Variants in PPARG observed in about 807,000 individuals in gnomAD.
PPARG encodes the protein peroxisome proliferator activated receptor gamma.
In PPARG, 17 loss-of-function variants were observed where a neutral mutation model predicts 39.2. The ratio of observed to expected loss-of-function variants is 0.43; its 90% CI spans 0.30 to 0.65. The LOEUF is 0.65. PPARG is among the 30% of genes least tolerant of loss of function. The probability of loss-of-function intolerance (pLI) is 0.13; values close to 1 mark genes in which losing one functional copy is unlikely to be tolerated. For missense variants in PPARG, 406 were observed against 585.9 expected (o/e 0.69, Z 3.17); for synonymous variants, 223 against 215.7 (o/e 1.03, Z -0.30).
At chr3:12,391,936 G>C (rs1279827398) in intron 4 of PPARG, among the ~76,000 whole-genome samples, 1 of 152,100 alleles carries the variant, frequency 6.6e-6, no homozygotes, top group African/African-American at 2.4e-5. Context: ...TGTAAATATA[G>C]CAGAATATTC....
At chr3:12,379,374 A>G (rs2049537659) in intron 2 of PPARG, among the ~76,000 whole-genome samples, 1 of 152,214 alleles carries the variant, frequency 6.6e-6, no homozygotes, top group East Asian at 1.9e-4. Flanking sequence ...TAAATAAATA[A>G]CAGCAGTCAT....
At chr3:12,385,699 G>A (rs979766512) in intron 4 of PPARG, among the ~76,000 whole-genome samples, 5 of 152,072 alleles carry the variant, frequency 3.3e-5, no homozygotes, top group African/African-American at 1.2e-4. Flanking sequence ...AAAGAATGCC[G>A]TATGCTTGTT....
chr3:12,314,485 C>G (rs934792077), intron 2 of PPARG, among the ~76,000 whole-genome samples: 16 of 152,212 alleles, frequency 1.1e-4, no homozygotes, highest in African/African-American at 3.4e-4. Flanking sequence ...AGCTCATATG[C>G]CCCTGATAGA....
intron 2 of PPARG, among the ~76,000 whole-genome samples, chr3:12,343,385 A>C (rs1316862660): frequency 6.6e-6 from 1 of 152,188 alleles, no homozygotes; most frequent in Non-Finnish European, 1.5e-5. Flanking sequence ...CACAGTCAGA[A>C]GGGCTCTGTT....
In PPARG at chr3:12,379,865, C is replaced by G; in HGVS notation, c.154C>G (p.Pro52Ala). The change falls in exon 3 of 8, where the codon CCA (proline) becomes GCA (alanine). Residue 52 changes from proline to alanine, a missense_variant. By Grantham distance (27) the Pro-to-Ala change is conservative. Transcript: ENST00000651735. ...SISTPHYEDI[P>A]FTRTDPVVAD... ...TTCTACTCCACATTACGAAGACATTCCATTCACAAGAACAGATCCAGTGGT... is the reference window on the plus strand; with the variant it reads ...TTCTACTCCACATTACGAAGACATTGCATTCACAAGAACAGATCCAGTGGT... 1 of 1,613,874 alleles carries G rather than the reference C, an allele frequency of 6.2e-7. No individual in the cohort carries two copies.
chr3:12,416,637 C>A, intron 6 of PPARG, 67 bp from the exon 7 acceptor site: 1 of 1,467,978 alleles, frequency 6.8e-7, no homozygotes, highest in Non-Finnish European at 9.4e-7. Flanking sequence ...TTTTCTGAAC[C>A]TGGGATGGCA....
At chr3:12,313,038 A>G (rs1423454814) in intron 2 of PPARG, among the ~76,000 whole-genome samples, 1 of 152,192 alleles carries the variant, frequency 6.6e-6, no homozygotes, top group African/African-American at 2.4e-5. Flanking sequence ...TATCCTTCCG[A>G]GGCCTAACTA....
chr3:12,406,265 A>G (rs1196272924), intron 6 of PPARG, 184 bp downstream of exon 6: 4 of 669,848 alleles, frequency 6.0e-6, no homozygotes, highest in South Asian at 3.7e-5. Flanking sequence ...ACAAGTCAAC[A>G]TTATTTTGAA....
chr3:12,406,220 C>A, intron 6 of PPARG, 139 bp downstream of exon 6: 2 of 890,600 alleles, frequency 2.2e-6, no homozygotes, highest in Non-Finnish European at 3.7e-6. Context: ...ATATTGCAGG[C>A]TGAGTCTGAA....
At position 12,336,904 on chromosome 3, in the gene PPARG, C is replaced by G. The variant is rs113772222; in HGVS notation, c.-9+24451C>G. On this transcript the variant is annotated intron_variant, in intron 2 of 7. Transcript: ENST00000651735. ...TGGACATTTAAGTTTGAATAGGGTA[C>G]TCTCCTGAAGGCCTTTAAAAATACA... Among the ~76,000 whole-genome samples, 6 of 152,312 alleles carry G rather than the reference C, an allele frequency of 3.9e-5. 1 individual carries two copies. The highest frequency in any genetic ancestry group is 1.2e-4 in the African/African-American group (5 of 41,568).
chr3:12,379,821 C>G lies in PPARG; in HGVS notation c.110C>G (p.Thr37Ser), dbSNP rs2049569356. The change falls in exon 3 of 8, where the codon ACT (threonine) becomes AGT (serine). Residue 37 changes from threonine (T) to serine (S), a missense_variant. Coordinates refer to ENST00000651735, the MANE Select transcript of PPARG (RefSeq NM_138711.6). Reference protein sequence around the residue: ...SHSFDIKPFTTVDFSSISTPH... With the variant: ...SHSFDIKPFTSVDFSSISTPH... ...TCCTTTGATATCAAGCCCTTCACTA[C>G]TGTTGACTTCTCCAGCATTTCTACT... The G allele has an allele frequency of 6.2e-7, 1 of 1,613,922 alleles. No homozygotes were observed. The highest frequency in any genetic ancestry group is 8.5e-7 in the Non-Finnish European group (1 of 1,179,828).
chr3:12,395,517 C>A (rs939883676), intron 5 of PPARG, among the ~76,000 whole-genome samples: 1 of 152,180 alleles, frequency 6.6e-6, no homozygotes, highest in African/African-American at 2.4e-5. Flanking sequence ...TCAGAAGGAA[C>A]TTTCATTTTC....
intron 2 of PPARG, among the ~76,000 whole-genome samples, chr3:12,332,915 TCCCAG>T (rs2047902580): frequency 6.6e-6 from 1 of 152,124 alleles, no homozygotes; most frequent in African/African-American, 2.4e-5. Flanking sequence ...ATACTTGTAG[TCCCAG>T]CTACTTGGGA....
At chr3:12,433,868 C>T (rs1391367204) in intron 7 of PPARG, 30 bp from the exon 8 acceptor site, 1 of 1,613,296 alleles carries the variant, frequency 6.2e-7, no homozygotes, top group Non-Finnish European at 8.5e-7. Context: ...ACTGAACCCC[C>T]TGTTGTGTTT....
chr3:12,399,432 G>C (rs1278851314), intron 5 of PPARG: 2 of 455,874 alleles, frequency 4.4e-6, no homozygotes, highest in Non-Finnish European at 8.8e-6. Context: ...CCTCAAGAAA[G>C]AGAAGTGAGC....
At chr3:12,341,526 G>C (rs1048166015) in intron 2 of PPARG, among the ~76,000 whole-genome samples, 1 of 152,192 alleles carries the variant, frequency 6.6e-6, no homozygotes, top group Non-Finnish European at 1.5e-5. Flanking sequence ...AATGCCTGCT[G>C]TCTGGGTACA....
chr3:12,288,610 C>G (rs2046570017), upstream of PPARG, among the ~76,000 whole-genome samples: 1 of 151,854 alleles, frequency 6.6e-6, no homozygotes, highest in Non-Finnish European at 1.5e-5. Flanking sequence ...GAGGAGGTCC[C>G]GTTCGCTGTC....
chr3:12,363,167 A>G (rs899111525), intron 2 of PPARG, among the ~76,000 whole-genome samples: 4 of 152,088 alleles, frequency 2.6e-5, no homozygotes, highest in Admixed American at 6.6e-5. Flanking sequence ...TAATCCTCCC[A>G]CCTTGGCCTC....
At chr3:12,384,554 A>G (rs1484393413) in intron 4 of PPARG, among the ~76,000 whole-genome samples, 2 of 152,142 alleles carry the variant, frequency 1.3e-5, no homozygotes, top group Non-Finnish European at 2.9e-5. Context: ...AGGTTTTCTC[A>G]TCTAGAAAAT....
Sources: allele counts gnomAD v4.1 joint callset (sites outside exome capture counted in the v4.1 genomes callset), GRCh38; gene constraint gnomAD v4.1.1; transcripts MANE v1.5; gene names NCBI Gene and HGNC (gene_info 2026-07-23, HGNC 2026-07-21).